Variants in ABR observed in about 807,000 individuals in gnomAD.
The protein encoded by ABR is ABR activator of RhoGEF and GTPase.
ABR carries 35 observed loss-of-function variants against 107.2 expected under a neutral mutation model. That is an observed-to-expected ratio of 0.33 (90% CI 0.25 to 0.43). ABR has a LOEUF of 0.43. Among genes scored for constraint, ABR ranks in the 20% least tolerant of loss-of-function variants. ABR has a pLI of 1.00. For missense variants in ABR, 815 were observed against 1,115.2 expected (o/e 0.73, Z 3.83); for synonymous variants, 498 against 462.0 (o/e 1.08, Z -1.00).
chr17:1,114,047 T>G (rs1597862339), intron 2 of ABR, among the ~76,000 whole-genome samples: 2 of 151,824 alleles, frequency 1.3e-5, no homozygotes, highest in East Asian at 3.9e-4. Context: ...GGCATGCTCT[T>G]GTGGTCCCGG....
At chr17:1,032,908 G>C (rs574144947) in intron 16 of ABR, among the ~76,000 whole-genome samples, 1 of 152,302 alleles carries the variant, frequency 6.6e-6, no homozygotes, top group African/African-American at 2.4e-5. Context: ...TGGCAACCGC[G>C]AACCAGGTCT....
intron 5 of ABR, 80 bp downstream of exon 5, chr17:1,083,440 C>T (rs1015506345): frequency 2.5e-5 from 25 of 982,866 alleles, no homozygotes; most frequent in South Asian, 1.6e-4. Context: ...GACTGGCAAG[C>T]GAGGGAGGGG....
In ABR at chr17:1,050,037, G is replaced by A. The variant is rs752168137; in HGVS notation, c.1791+13C>T. 28 of 1,611,860 alleles carry A rather than the reference G, an allele frequency of 1.7e-5. No individual in the cohort carries two copies. Among genetic ancestry groups the A allele is most frequent in the Admixed American group, 1.0e-4 (6 of 59,640 alleles). ...GAGGCTCCCTCAGCCTCGCCCCGGC[G>A]CCCTGGCCTCACCTGGATCTGTCCT... On this transcript the variant is annotated intron_variant, in intron 16 of 22. Transcript: ENST00000302538. This position sits in a 1 kb window ranked among gnomAD's most constrained non-coding sequence, Gnocchi z 4.6.
At chr17:1,171,804 C>T (rs1397235615) in intron 1 of ABR, among the ~76,000 whole-genome samples, 1 of 152,186 alleles carries the variant, frequency 6.6e-6, no homozygotes, top group Non-Finnish European at 1.5e-5. Flanking sequence ...GGTGGCAGCA[C>T]CTGTAATCCC....
At chr17:1,082,662 G>A (rs1018970325) in intron 5 of ABR, among the ~76,000 whole-genome samples, 5 of 152,178 alleles carry the variant, frequency 3.3e-5, no homozygotes, top group Non-Finnish European at 5.9e-5. Context: ...CTTAAAAGAC[G>A]ACCTATAGTC....
chr17:1,228,777 T>TG (rs560120531), intron 1 of ABR: 46 of 122,782 alleles, frequency 3.7e-4, no homozygotes, highest in East Asian at 1.1e-3. Flanking sequence ...GAGCGGGGTC[T>TG]GGGGGGGGCG....
chr17:1,189,379 C>T (rs1400701500), upstream of ABR, among the ~76,000 whole-genome samples: 1 of 138,642 alleles, frequency 7.2e-6, no homozygotes, highest in African/African-American at 2.7e-5. Flanking sequence ...GACAGAGTCT[C>T]GTTCTTGTCC....
At chr17:1,208,435 C>A (rs980634184) in intron 1 of ABR, among the ~76,000 whole-genome samples, 1 of 152,238 alleles carries the variant, frequency 6.6e-6, no homozygotes, top group Non-Finnish European at 1.5e-5. Context: ...ACCATCACTG[C>A]ATGCCACGGT....
At chr17:1,216,687 AC>A (rs1316430416) in intron 1 of ABR, among the ~76,000 whole-genome samples, 1 of 152,158 alleles carries the variant, frequency 6.6e-6, no homozygotes, top group Non-Finnish European at 1.5e-5. Flanking sequence ...GCCACGTGCC[AC>A]CCTGCTGTTG....
At chr17:1,202,673 T>A (rs1380767161) in intron 1 of ABR, among the ~76,000 whole-genome samples, 1 of 151,990 alleles carries the variant, frequency 6.6e-6, no homozygotes, top group Non-Finnish European at 1.5e-5. Context: ...GGGAAGGTGA[T>A]CCATAGCCAT....
Position 1,098,879 on chromosome 17 carries a change from G to A in ABR, c.345+1758C>T, listed in dbSNP as rs868804685. Among the ~76,000 whole-genome samples, 40 of 152,270 alleles carry A rather than the reference G, an allele frequency of 2.6e-4. No homozygotes were observed. In the Middle Eastern group the frequency reaches 0.01, roughly 39 times the overall value. Reference sequence around the variant, plus strand: ...CGGCTCACTGCAACCTCCACCTCCCGGGTTCAAGCGATTCTCCTGCCTCAG... The same window carrying A: ...CGGCTCACTGCAACCTCCACCTCCCAGGTTCAAGCGATTCTCCTGCCTCAG... On this transcript the variant is annotated intron_variant, in intron 3 of 22. Transcript: ENST00000302538.
At chr17:1,006,601 T>C (rs990386511) in intron 22 of ABR, among the ~76,000 whole-genome samples, 2 of 152,150 alleles carry the variant, frequency 1.3e-5, no homozygotes, top group African/African-American at 4.8e-5. Context: ...CATGTTTGTT[T>C]TGGCCTGGGA....
chr17:1,152,028 A>G (rs1232947470), intron 1 of ABR, among the ~76,000 whole-genome samples: 1 of 141,312 alleles, frequency 7.1e-6, no homozygotes, highest in Non-Finnish European at 1.5e-5. Context: ...GGTGGTGAGC[A>G]CCTGTAGTCC....
intron 16 of ABR, 63 bp from the exon 17 acceptor site, chr17:1,013,227 G>C: frequency 6.6e-7 from 1 of 1,504,294 alleles, no homozygotes; most frequent in South Asian, 1.1e-5. Flanking sequence ...AGATCTCCCC[G>C]TGGGTCAGCA....
chr17:1,201,826 A>G (rs1455224180), intron 1 of ABR, among the ~76,000 whole-genome samples: 1 of 151,950 alleles, frequency 6.6e-6, no homozygotes, highest in Non-Finnish European at 1.5e-5. Flanking sequence ...ACAGGCGCCC[A>G]CCACCACGCC....
At position 1,051,012 on chromosome 17, in the gene ABR, G is replaced by A. The variant is rs978233369; in HGVS notation, c.1562-378C>T. ...TCCACATCTTCCTCACCATGGAGACGACACCACAAACTCTTCACTGACCGC... is the reference window on the plus strand; with the variant it reads ...TCCACATCTTCCTCACCATGGAGACAACACCACAAACTCTTCACTGACCGC... On this transcript the variant is annotated intron_variant, in intron 14 of 22. Coordinates refer to ENST00000302538, the MANE Select transcript of ABR (RefSeq NM_021962.5). This position sits in a 1 kb window ranked among gnomAD's most constrained non-coding sequence, Gnocchi z 4.3. Among the ~76,000 whole-genome samples, 7 of 152,010 alleles carry A rather than the reference G, an allele frequency of 4.6e-5. No homozygotes were observed. Among genetic ancestry groups the A allele is most frequent in the Non-Finnish European group, 8.8e-5 (6 of 68,014 alleles).
chr17:1,146,610 ATGACACCAC>A (rs1555522087), intron 1 of ABR, among the ~76,000 whole-genome samples: 5 of 149,554 alleles, frequency 3.3e-5, no homozygotes, highest in African/African-American at 9.9e-5. Context: ...CCACTGCCAC[ATGACACCAC>A]TGCCACCACT....
At chr17:1,024,094 C>A (rs890247547) in intron 16 of ABR, among the ~76,000 whole-genome samples, 8 of 151,814 alleles carry the variant, frequency 5.3e-5, no homozygotes, top group Non-Finnish European at 8.8e-5. Flanking sequence ...CCCTCCCTGC[C>A]CGGGCCCAGA....
intron 1 of ABR, among the ~76,000 whole-genome samples, chr17:1,143,469 A>G (rs1404416899): frequency 8.1e-5 from 3 of 36,956 alleles, no homozygotes; most frequent in East Asian, 2.0e-3. Flanking sequence ...GGGGCAGCTC[A>G]TTCCTGGGGG....
Sources: gnomAD v4.1 joint callset for allele counts (sites outside exome capture counted in the v4.1 genomes callset) on GRCh38, gnomAD v4.1.1 for gene constraint, Gnocchi (gnomAD v3.1) non-coding constraint, MANE v1.5 for transcripts, NCBI Gene and HGNC (gene_info 2026-07-23, HGNC 2026-07-21) for gene names.